Variants in ALK observed in about 807,000 individuals in gnomAD.
ALK encodes ALK receptor tyrosine kinase.
A neutral mutation model predicts 163.1 loss-of-function variants in ALK; 74 were observed. That is an observed-to-expected ratio of 0.45 (90% CI 0.38 to 0.55). The LOEUF (loss-of-function observed/expected upper bound fraction) is 0.55. Among genes scored for constraint, ALK ranks in the 20% least tolerant of loss-of-function variants. The probability of loss-of-function intolerance (pLI) is 0.00; values close to 1 mark genes in which losing one functional copy is unlikely to be tolerated. For synonymous variants in ALK, 960 were observed against 843.2 expected, an observed-to-expected ratio of 1.14 and a Z score of -2.40; for missense variants, 2,063 against 2,105.3, an observed-to-expected ratio of 0.98 and a Z score of 0.39.
chr2:29,786,814 T>A (rs2148354426), intron 1 of ALK, among the ~76,000 whole-genome samples: 1 of 152,234 alleles, frequency 6.6e-6, no homozygotes, highest in Admixed American at 6.5e-5. Flanking sequence ...TGTTTTGAGA[T>A]GGAGTGTTGC....
At position 29,342,385 on chromosome 2, in the gene ALK, T is replaced by C. The variant is rs1197066186; in HGVS notation, c.1283-13904A>G. 5.3e-5 allele frequency among the ~76,000 whole-genome samples: 8 copies of C among 152,300 alleles called. 1 individual carries two copies. The stretch of plus-strand genomic sequence containing the variant: ...TGCCATTTCACTTACATGAGATACC[T>C]TGTGTAGTGAAATCCATACAGACAG... On this transcript the variant is annotated intron_variant, in intron 5 of 28. Transcript: ENST00000389048.
chr2:29,351,016 G>A (rs1236529684), intron 5 of ALK, among the ~76,000 whole-genome samples: 1 of 152,128 alleles, frequency 6.6e-6, no homozygotes, highest in Non-Finnish European at 1.5e-5. Context: ...GATTCATATT[G>A]TACATTAGCA....
chr2:29,453,856 G>T (rs189517417), intron 4 of ALK, among the ~76,000 whole-genome samples: 2 of 152,214 alleles, frequency 1.3e-5, no homozygotes, highest in East Asian at 3.9e-4. Context: ...CAGAGAAAAG[G>T]CTCACTCACA....
chr2:29,252,837 T>A (rs74393096), intron 11 of ALK, among the ~76,000 whole-genome samples: 2,500 of 152,030 alleles, frequency 0.016, 43 homozygotes, highest in African/African-American at 0.041. Context: ...TTTTATTTAT[T>A]TTTTTTTAGA....
intron 19 of ALK, 157 bp from the exon 20 acceptor site, chr2:29,223,685 G>A (rs1314192510): frequency 1.5e-6 from 1 of 668,666 alleles, no homozygotes; most frequent in African/African-American, 1.8e-5. Flanking sequence ...AATGATTAAA[G>A]AAGGTGTGTC....
chr2:29,252,183 C>A (rs1664833462), intron 11 of ALK, among the ~76,000 whole-genome samples: 1 of 150,712 alleles, frequency 6.6e-6, no homozygotes, highest in South Asian at 2.1e-4. Flanking sequence ...CCCCCACCCC[C>A]CGCGGGCCAT....
intron 1 of ALK, among the ~76,000 whole-genome samples, chr2:29,852,206 T>C (rs1330494492): frequency 1.3e-5 from 2 of 152,080 alleles, no homozygotes; most frequent in African/African-American, 4.8e-5. Flanking sequence ...GTAGGTAAGG[T>C]GGTGATGGAC....
chr2:29,753,465 C>T (rs530604542), intron 1 of ALK, among the ~76,000 whole-genome samples: 132 of 152,290 alleles, frequency 8.7e-4, no homozygotes, highest in Non-Finnish European at 1.5e-3. Flanking sequence ...TGGCTTCCCC[C>T]TCTCTTAAGC....
chr2:29,249,046 A>T (rs1022459091), intron 12 of ALK, among the ~76,000 whole-genome samples: 1 of 152,220 alleles, frequency 6.6e-6, no homozygotes, highest in Non-Finnish European at 1.5e-5. Context: ...CAGGCACTAT[A>T]TGTCACCTTT....
chr2:29,318,369 C>G lies in ALK; in HGVS notation c.1582G>C (p.Ala528Pro). Residue 528 changes from alanine to proline, a missense_variant, in exon 8 of 29, where the codon GCT becomes CCT. By Grantham distance (27) the Ala-to-Pro change is conservative. Around this residue, in one of 5 missense-constraint regions of ALK, gnomAD observed 987 missense variants for 939.5 expected, o/e 1.05. Coordinates refer to ENST00000389048, the MANE Select transcript of ALK (RefSeq NM_004304.5). The stretch of plus-strand genomic sequence containing the variant: ...CTGGTCACTGTAGCACTTTCAGAAG[C>G]GGGGACATCAGTGGTACTGAGCAAT... ...ALLLSTTDVP[A>P]SESATVTSAT... The G allele has an allele frequency of 6.2e-7, 1 of 1,613,878 alleles. No homozygotes were observed. Among genetic ancestry groups the G allele is most frequent in the Non-Finnish European group, 8.5e-7 (1 of 1,179,854 alleles).
intron 3 of ALK, among the ~76,000 whole-genome samples, chr2:29,551,158 T>C (rs1198289669): frequency 1.3e-5 from 2 of 152,198 alleles, no homozygotes; most frequent in South Asian, 2.1e-4. Flanking sequence ...TTTCTAGGAA[T>C]TGCTTTAAAG....
At chr2:29,747,570 C>A (rs1680238245) in intron 1 of ALK, among the ~76,000 whole-genome samples, 1 of 152,212 alleles carries the variant, frequency 6.6e-6, no homozygotes, top group Non-Finnish European at 1.5e-5. Context: ...GTAGAAGCAT[C>A]AGTTTACATT....
chr2:29,524,390 C>T (rs577209240), intron 4 of ALK, among the ~76,000 whole-genome samples: 10 of 152,324 alleles, frequency 6.6e-5, no homozygotes, highest in East Asian at 1.9e-4. Flanking sequence ...CCAGGCGTGA[C>T]GCCAAGGTTC....
chr2:29,253,836 T>C lies in ALK; in HGVS notation c.2042-2569A>G, dbSNP rs1664881449. ...AACCCTGAAAATGAAAGAATACATA[T>C]ATCTATATTAGATAGATAGATAGAT... On this transcript the variant is annotated intron_variant, in intron 11 of 28. Transcript: ENST00000389048. Among the ~76,000 whole-genome samples the C allele has an allele frequency of 2.1e-5, 3 of 145,232 alleles. No homozygotes were observed. In the Admixed American group the frequency reaches 2.1e-4, roughly 10 times the overall value.
At chr2:29,582,543 G>A (rs1294220918) in intron 3 of ALK, among the ~76,000 whole-genome samples, 1 of 152,166 alleles carries the variant, frequency 6.6e-6, no homozygotes, top group East Asian at 1.9e-4. Context: ...CTAGGCTTCT[G>A]CGGGGCATTT....
At chr2:29,340,118 T>C (rs1386937419) in intron 5 of ALK, among the ~76,000 whole-genome samples, 3 of 152,254 alleles carry the variant, frequency 2.0e-5, no homozygotes, top group African/African-American at 4.8e-5. Flanking sequence ...AAATGACCTC[T>C]GTGTCTATTT....
intron 3 of ALK, among the ~76,000 whole-genome samples, chr2:29,591,473 T>C (rs545691253): frequency 3.9e-4 from 60 of 151,948 alleles, no homozygotes; most frequent in African/African-American, 1.2e-3. Flanking sequence ...CATGGCCACC[T>C]CCCCAGTCAC....
chr2:29,624,980 A>T (rs960297705), intron 3 of ALK, among the ~76,000 whole-genome samples: 5 of 152,182 alleles, frequency 3.3e-5, no homozygotes, highest in African/African-American at 1.2e-4. Flanking sequence ...GGGAAAAGGT[A>T]ATTGATAATC....
rs553770508 is a variant in ALK, at chr2:29,239,728, G to A, written c.2307C>T (p.Asp769=). 74 of 1,614,074 alleles carry A rather than the reference G, an allele frequency of 4.6e-5. 3 individuals carry two copies. In the South Asian group the frequency reaches 8.0e-4, roughly 17 times the overall value. The change falls in exon 13 of 29, where the codon GAC becomes GAT. Residue 769 remains aspartate (D), a synonymous_variant. Coordinates refer to ENST00000389048, the MANE Select transcript of ALK (RefSeq NM_004304.5). ...GCTGCCCAACCAGGATGTACAGCAT[G>A]TCATCCTTCTCCAGGTTGAAGATGC... ...VLGIFNLEKD[D]MLYILVGQQG...
Sources: allele counts gnomAD v4.1 joint callset (sites outside exome capture counted in the v4.1 genomes callset), GRCh38; gene constraint gnomAD v4.1.1; regional missense constraint gnomAD v4.1.1; transcripts MANE v1.5; gene names NCBI Gene and HGNC (gene_info 2026-07-23, HGNC 2026-07-21).